Variants in SYT8 observed in about 807,000 individuals in gnomAD.
SYT8 encodes the protein synaptotagmin 8, also known as synaptotagmin-8.
Under a neutral mutation model 34.9 loss-of-function variants are expected in SYT8, and 50 were observed. The observed-to-expected ratio is 1.43, with a 90% CI of 1.14 to 1.81. SYT8 has a LOEUF of 1.81. Among genes scored for constraint, SYT8 ranks in the 40% most tolerant of loss-of-function variants. SYT8 has a pLI of 0.00. For missense variants in SYT8, 595 were observed against 529.0 expected (o/e 1.12, Z -1.22); for synonymous variants, 255 against 234.2 (o/e 1.09, Z -0.81).
upstream of SYT8, chr11:1,834,925 C>T: frequency 1.5e-6 from 1 of 651,136 alleles, no homozygotes; most frequent in Non-Finnish European, 2.6e-6. The surrounding 1 kb of genome is among the most constrained non-coding windows in gnomAD (Gnocchi z 4.5). Context: ...AGCCTCCCTC[C>T]CTTCAGCTTC....
rs541080662 is a variant in SYT8, at chr11:1,835,006, G to A, written c.-100G>A. On this transcript the variant is annotated 5_prime_UTR_variant, in exon 1 of 8. Coordinates refer to ENST00000341958, the MANE Select transcript of SYT8 (RefSeq NM_001394072.1). ...TGCCCTGGCAGACCCAGCACTGGCT[G>A]CTGCTAGTCAGATGGGGTAGCGGGC... is the stretch of plus-strand genomic sequence containing the variant. 4.0e-6 allele frequency: 5 copies of A among 1,263,026 alleles called. No homozygotes were observed. Among genetic ancestry groups the A allele is most frequent in the African/African-American group, 1.5e-5 (1 of 67,378 alleles). 78.2% of individuals were successfully genotyped at this position (1,263,026 alleles called of 1,614,324 possible). A position where few individuals can be genotyped will look rare whatever the true frequency, so the allele number is the denominator to read the frequency against.
upstream of SYT8, among the ~76,000 whole-genome samples, chr11:1,832,092 C>A (rs1846687227): frequency 6.6e-6 from 1 of 152,216 alleles, no homozygotes; most frequent in Non-Finnish European, 1.5e-5. Context: ...GAGGGGCTCA[C>A]CCCCGTTCTG....
In SYT8 at chr11:1,835,365, CT is replaced by C. The variant is rs1846850775; in HGVS notation, c.165del (p.Ala56ProfsTer69). The C allele has an allele frequency of 6.2e-7, 1 of 1,606,492 alleles. No homozygotes were observed. The highest frequency in any genetic ancestry group is 1.3e-5 in the African/African-American group (1 of 75,042). ...CTCCTCGTCTCCTGCCTCCTCTGTG[CT>C]GCCTGCTGCTGCTGCCGCCGCCACA... ...GVLLVSCLLC[A>X]ACCCCRRHRK... On this transcript the variant is annotated frameshift_variant, in exon 2 of 8. Transcript: ENST00000341958. LOFTEE classifies it high-confidence loss of function.
In SYT8 at chr11:1,836,229, CA is replaced by C; in HGVS notation, c.465del (p.Val156CysfsTer93). The part of the protein sequence containing the change: ...VSTQAGHRHE[T>X]KVHRGTLCPV... ...ACCCAGGCCGGACACAGACATGAGA[CA>C]AAAGTGCACCGAGGCACGCTCTGCC... On this transcript the variant is annotated frameshift_variant, in exon 4 of 8. Transcript: ENST00000341958. LOFTEE classifies it high-confidence loss of function. 1.3e-6 allele frequency: 2 copies of C among 1,594,640 alleles called. No homozygotes were observed. The highest frequency in any genetic ancestry group is 1.7e-6 in the Non-Finnish European group (2 of 1,171,374).
intron 6 of SYT8, 35 bp downstream of exon 6, chr11:1,836,896 G>T (rs375032242): frequency 2.2e-5 from 35 of 1,611,736 alleles, no homozygotes; most frequent in Non-Finnish European, 2.9e-5. Flanking sequence ...GTTGTACAGA[G>T]GGGGGGCCCG....
chr11:1,834,532 AC>A, upstream of SYT8: 1 of 1,549,936 alleles, frequency 6.5e-7, no homozygotes. This position sits in a 1 kb window ranked among gnomAD's most constrained non-coding sequence, Gnocchi z 4.5. Flanking sequence ...GACCCTGCAG[AC>A]CCCTCTGGGC....
At chr11:1,836,703 C>A in intron 5 of SYT8, 53 bp from the exon 6 acceptor site, 1 of 1,596,686 alleles carries the variant, frequency 6.3e-7, no homozygotes, top group Non-Finnish European at 8.5e-7. Flanking sequence ...GGTCTGAGCC[C>A]CAACTCGGCC....
In SYT8 at chr11:1,836,837, C is replaced by T. The variant is rs758980969; in HGVS notation, c.766C>T (p.Arg256Ter). The T allele has an allele frequency of 5.6e-6, 9 of 1,611,530 alleles. No individual in the cohort carries two copies. The Admixed American group carries it at 6.7e-5, about 12-fold the overall frequency. ...GCTGACCGTGGTGGTGCTGGAGGCT[C>T]GAGGCCTGCGTCCAGGACTTGCAGG... is the stretch of plus-strand genomic sequence containing the variant. ...GRLTVVVLEA[R>*]GLRPGLAEPY... The change falls in exon 6 of 8, where the codon CGA becomes TGA. Residue 256 changes from arginine (R) to a stop codon, truncating the protein, a stop_gained. Transcript: ENST00000341958. LOFTEE classifies it high-confidence loss of function.
chr11:1,835,966 C>A lies in SYT8; in HGVS notation c.339C>A (p.Phe113Leu). Reference sequence around the variant, plus strand: ...GGTGCCTGCAGCTCTCCCTGGAGTTCGACTTTGGAAGCCAGGAGGTGAAGG... The same window carrying A: ...GGTGCCTGCAGCTCTCCCTGGAGTTAGACTTTGGAAGCCAGGAGGTGAAGG... ...QWGCLQLSLE[F>L]DFGSQEIRVG... is the part of the protein sequence containing the mutation. The change falls in exon 3 of 8, where the codon TTC (phenylalanine) becomes TTA (leucine). Residue 113 changes from phenylalanine (F) to leucine (L), a missense_variant. Coordinates refer to ENST00000341958, the MANE Select transcript of SYT8 (RefSeq NM_001394072.1). The A allele has an allele frequency of 6.2e-7, 1 of 1,605,102 alleles. No individual in the cohort carries two copies. The highest frequency in any genetic ancestry group is 8.5e-7 in the Non-Finnish European group (1 of 1,177,430).
upstream of SYT8, among the ~76,000 whole-genome samples, chr11:1,833,337 C>T (rs1216093276): frequency 6.6e-6 from 1 of 152,236 alleles, no homozygotes; most frequent in Non-Finnish European, 1.5e-5. Flanking sequence ...ACTCGACAAG[C>T]TCCGTCATTT....
At position 1,834,995 on chromosome 11, in the gene SYT8, C is replaced by T; in HGVS notation, c.-111C>T. 1 of 1,158,632 alleles carries T rather than the reference C, an allele frequency of 8.6e-7. No individual in the cohort carries two copies. The highest frequency in any genetic ancestry group is 1.3e-6 in the Non-Finnish European group (1 of 795,252). The allele number at this position is 1,158,632 out of a possible 1,614,324, so 71.8% of individuals were successfully genotyped here. A position where few individuals can be genotyped will look rare whatever the true frequency, so the allele number is the denominator to read the frequency against. ...TGCTGCCTCCTTGCCCTGGCAGACCCAGCACTGGCTGCTGCTAGTCAGATG... is the reference window on the plus strand; with the variant it reads ...TGCTGCCTCCTTGCCCTGGCAGACCTAGCACTGGCTGCTGCTAGTCAGATG... On this transcript the variant is annotated 5_prime_UTR_variant, in exon 1 of 8. Coordinates refer to ENST00000341958, the MANE Select transcript of SYT8 (RefSeq NM_001394072.1). This position sits in a 1 kb window ranked among gnomAD's most constrained non-coding sequence, Gnocchi z 4.5.
In SYT8 at chr11:1,836,511, G is replaced by T. The variant is rs370212106; in HGVS notation, c.603G>T (p.Glu201Asp). Residue 201 changes from glutamate (E) to aspartate (D), a missense_variant, in exon 5 of 8, where the codon GAG (glutamate) becomes GAT (aspartate). By Grantham distance (45) the Glu-to-Asp change is conservative (BLOSUM62 2). Coordinates refer to ENST00000341958, the MANE Select transcript of SYT8 (RefSeq NM_001394072.1). ...KRFSGHEPLG[E>D]LRLPLGTVDL... is the part of the protein sequence containing the mutation. ...TCTCGGGGCATGAGCCCCTGGGTGA[G>T]CTCCGTCTGCCACTGGGCACCGTGG... 1.7e-5 allele frequency: 27 copies of T among 1,612,494 alleles called. No homozygotes were observed. Among genetic ancestry groups the T allele is most frequent in the African/African-American group, 1.2e-4 (9 of 74,930 alleles).
chr11:1,836,319 C>CGGCTGGATGGGCCTG, intron 4 of SYT8, 35 bp downstream of exon 4: 1 of 1,485,866 alleles, frequency 6.7e-7, no homozygotes, highest in Non-Finnish European at 9.0e-7. Flanking sequence ...TGGGCCTGGA[C>CGGCTGGATGGGCCTG]GGCTGGATGG....
At chr11:1,836,901 G>T in intron 6 of SYT8, 40 bp downstream of exon 6, 2 of 1,612,728 alleles carry the variant, frequency 1.2e-6, no homozygotes, top group Non-Finnish European at 8.5e-7. Flanking sequence ...ACAGAGGGGG[G>T]GCCCGTGCTC....
At chr11:1,832,298 G>A (rs1208698218), upstream of SYT8, among the ~76,000 whole-genome samples, 1 of 152,206 alleles carries the variant, frequency 6.6e-6, no homozygotes, top group East Asian at 1.9e-4. Flanking sequence ...AGCCGCCTTC[G>A]TGGGGAGAGA....
chr11:1,835,534 C>A, intron 2 of SYT8, 75 bp downstream of exon 2: 2 of 1,542,638 alleles, frequency 1.3e-6, no homozygotes, highest in Non-Finnish European at 1.8e-6. Flanking sequence ...GGCAGCGAGG[C>A]GAGTTCAGCC....
rs369451697 is a variant in SYT8 at position 1,835,337 on chromosome 11, G to A, written c.136G>A (p.Val46Ile). The change falls in exon 2 of 8, where the codon GTC becomes ATC. Residue 46 changes from valine (V) to isoleucine (I), a missense_variant. Physicochemically the swap from Val to Ile is conservative, Grantham distance 29. Coordinates refer to ENST00000341958, the MANE Select transcript of SYT8 (RefSeq NM_001394072.1). ...CATTGCCGGCGCCCTTGCCGCGGGCGTCCTCCTCGTCTCCTGCCTCCTCTG... is the reference window on the plus strand; with the variant it reads ...CATTGCCGGCGCCCTTGCCGCGGGCATCCTCCTCGTCTCCTGCCTCCTCTG... Reference protein sequence around the residue: ...ALIAGALAAGVLLVSCLLCAA... With the variant: ...ALIAGALAAGILLVSCLLCAA... 6.8e-5 allele frequency: 109 copies of A among 1,602,428 alleles called. No homozygotes were observed. The Admixed American group carries it at 1.1e-3, about 17-fold the overall frequency.
Position 1,835,969 on chromosome 11 carries a change from CT to C in SYT8, c.345del (p.Phe115LeufsTer10). 6.2e-7 allele frequency: 1 copy of C among 1,606,010 alleles called. No homozygotes were observed. Among genetic ancestry groups the C allele is most frequent in the Non-Finnish European group, 8.5e-7 (1 of 1,177,762 alleles). On this transcript the variant is annotated frameshift_variant, in exon 3 of 8. Transcript: ENST00000341958. LOFTEE classifies it high-confidence loss of function. ...GCLQLSLEFDFGSQEIRVGLR... is the reference protein window; with the variant it reads ...GCLQLSLEFDXGSQEIRVGLR... ...GCCTGCAGCTCTCCCTGGAGTTCGACTTTGGAAGCCAGGAGGTGAAGGGCCC... is the reference window on the plus strand; with the variant it reads ...GCCTGCAGCTCTCCCTGGAGTTCGACTTGGAAGCCAGGAGGTGAAGGGCCC...
rs1049798042 is a variant in SYT8, at chr11:1,837,508, G to A, written c.*77G>A. On this transcript the variant is annotated 3_prime_UTR_variant, in exon 8 of 8. Transcript: ENST00000341958. The stretch of plus-strand genomic sequence containing the variant: ...GCCCTGCAGGACCACTGCAATAAAC[G>A]CCTTCTCCTGCCACTGTGTGTCCGG... 2.6e-5 allele frequency: 40 copies of A among 1,548,760 alleles called. No homozygotes were observed. The Admixed American group carries it at 5.9e-4, about 23-fold the overall frequency.
Sources: gnomAD v4.1 joint callset for allele counts (sites outside exome capture counted in the v4.1 genomes callset) on GRCh38, gnomAD v4.1.1 for gene constraint, Gnocchi (gnomAD v3.1) non-coding constraint, MANE v1.5 for transcripts, NCBI Gene and HGNC (gene_info 2026-07-23, HGNC 2026-07-21) for gene names.